ARHGEF16: variants seen among roughly 807,000 people sequenced by gnomAD.
ARHGEF16 encodes the protein Rho guanine nucleotide exchange factor 16, also known as Rho guanine exchange factor (GEF) 16.
Under a neutral mutation model 74.1 loss-of-function variants are expected in ARHGEF16, and 59 were observed. The ratio of observed to expected loss-of-function variants is 0.80; its 90% CI spans 0.65 to 0.99. ARHGEF16 has a LOEUF of 0.99. ARHGEF16 is among the 50% of genes least tolerant of loss of function. The pLI, the probability that ARHGEF16 is intolerant of heterozygous loss-of-function variation, is 0.00. For missense variants in ARHGEF16, 948 were observed against 986.6 expected (o/e 0.96, Z 0.52); for synonymous variants, 415 against 412.6 (o/e 1.01, Z -0.07).
At chr1:3,461,326 A>G (rs939793644) in intron 1 of ARHGEF16, among the ~76,000 whole-genome samples, 1 of 152,178 alleles carries the variant, frequency 6.6e-6, no homozygotes, top group Non-Finnish European at 1.5e-5. Flanking sequence ...CAGGCCTCAC[A>G]CCGGCCAGGC....
intron 6 of ARHGEF16, 98 bp from the exon 7 acceptor site, chr1:3,472,980 G>A (rs1021440734): frequency 1.5e-6 from 2 of 1,299,100 alleles, no homozygotes; most frequent in Admixed American, 2.3e-5. Context: ...CCACGTCCAT[G>A]TATGTGTGAG....
chr1:3,474,612 C>T, intron 8 of ARHGEF16, 96 bp from the exon 9 acceptor site: 1 of 1,228,600 alleles, frequency 8.1e-7, no homozygotes, highest in South Asian at 1.2e-5. Flanking sequence ...AGCTGTTGAC[C>T]ACCCTGCAGC....
In ARHGEF16 at chr1:3,473,466, C is replaced by T; in HGVS notation, c.1249C>T (p.Leu417Phe). ...GCCGGCGTGCGGGGGCCTGCCCATGCTCTCCTTCCTGATCCTCCCCATGCA... is the reference window on the plus strand; with the variant it reads ...GCCGGCGTGCGGGGGCCTGCCCATGTTCTCCTTCCTGATCCTCCCCATGCA... ...RRPACGGLPM[L>F]SFLILPMQRV... Residue 417 changes from leucine (L) to phenylalanine (F), a missense_variant, in exon 8 of 15, where the codon CTC becomes TTC. By Grantham distance (22) the Leu-to-Phe change is conservative. Coordinates refer to ENST00000378378, the MANE Select transcript of ARHGEF16 (RefSeq NM_014448.4). 2 of 1,612,532 alleles carry T rather than the reference C, an allele frequency of 1.2e-6. No individual in the cohort carries two copies. The highest frequency in any genetic ancestry group is 1.7e-6 in the Non-Finnish European group (2 of 1,180,018).
At position 3,473,066 on chromosome 1, in the gene ARHGEF16, C is replaced by T. The variant is rs771770071; in HGVS notation, c.1023-12C>T. The T allele has an allele frequency of 9.9e-6, 16 of 1,610,602 alleles. No homozygotes were observed. The East Asian group carries it at 3.1e-4, about 31-fold the overall frequency. Reference sequence around the variant, plus strand: ...GGCCCGTGGCACCCTCCTCACCCCTCCTTGCCTTCAGGTTCTTCGAGGACC... The same window carrying T: ...GGCCCGTGGCACCCTCCTCACCCCTTCTTGCCTTCAGGTTCTTCGAGGACC... On this transcript the variant is annotated splice_polypyrimidine_tract_variant and intron_variant, in intron 6 of 14. Coordinates refer to ENST00000378378, the MANE Select transcript of ARHGEF16 (RefSeq NM_014448.4).
rs1231437689 is a variant in ARHGEF16 at position 3,463,391 on chromosome 1, G to A, written c.307G>A (p.Ala103Thr). 1.9e-6 allele frequency: 3 copies of A among 1,550,056 alleles called. No homozygotes were observed. The highest frequency in any genetic ancestry group is 1.2e-5 in the South Asian group (1 of 84,058). ...TGTGGCCAGCAAGGCAAAGACCCCA[G>A]CCCGCCACCAGAGCTTCGGGGCGGC... ...LAVASKAKTPARHQSFGAAVL... is the reference protein window; with the variant it reads ...LAVASKAKTPTRHQSFGAAVL... The change falls in exon 2 of 15, where the codon GCC becomes ACC. Residue 103 changes from alanine to threonine, a missense_variant. Physicochemically the swap from Ala to Thr is moderately conservative, Grantham distance 58. Coordinates refer to ENST00000378378, the MANE Select transcript of ARHGEF16 (RefSeq NM_014448.4).
chr1:3,477,120 G>A (rs1639900127), intron 10 of ARHGEF16, among the ~76,000 whole-genome samples: 2 of 151,764 alleles, frequency 1.3e-5, no homozygotes, highest in Non-Finnish European at 2.9e-5. Context: ...GAGGCCGGGA[G>A]CGGGAGGTGC....
intron 12 of ARHGEF16, among the ~76,000 whole-genome samples, chr1:3,479,025 CA>C (rs2100762489): frequency 6.6e-6 from 1 of 152,298 alleles, no homozygotes; most frequent in African/African-American, 2.4e-5. Flanking sequence ...TGCTGGGGTG[CA>C]GCGACCCTGG....
chr1:3,463,528 C>A lies in ARHGEF16; in HGVS notation c.444C>A (p.Asn148Lys). The change falls in exon 2 of 15, where the codon AAC (asparagine) becomes AAA (lysine). Residue 148 changes from asparagine (N) to lysine (K), a missense_variant. By Grantham distance (94) the Asn-to-Lys change is moderately conservative. Coordinates refer to ENST00000378378, the MANE Select transcript of ARHGEF16 (RefSeq NM_014448.4). ...DKDPGGMLRR[N>K]LRNQSYRAAM... ...ACCCCGGGGGCATGCTGAGGCGGAA[C>A]CTGCGGAACCAATCCTACCGGGCGG... 2.0e-6 allele frequency: 3 copies of A among 1,473,124 alleles called. No individual in the cohort carries two copies. Among genetic ancestry groups the A allele is most frequent in the Non-Finnish European group, 1.8e-6 (2 of 1,109,404 alleles). 91.3% of individuals were successfully genotyped at this position (1,473,124 alleles called of 1,614,324 possible). A position where few individuals can be genotyped will look rare whatever the true frequency, so the allele number is the denominator to read the frequency against.
chr1:3,479,631 T>C, intron 13 of ARHGEF16, 41 bp downstream of exon 13: 2 of 1,598,694 alleles, frequency 1.3e-6, no homozygotes, highest in Non-Finnish European at 1.7e-6. Flanking sequence ...CCCTCTGCCG[T>C]GGCTGGCACT....
At chr1:3,472,886 C>CCCCCCTCTTT in intron 6 of ARHGEF16, 192 bp from the exon 7 acceptor site, 2 of 239,960 alleles carry the variant, frequency 8.3e-6, no homozygotes, top group South Asian at 4.5e-5. Flanking sequence ...CCCACCCGCC[C>CCCCCCTCTTT]TCCCTGCTGT....
intron 5 of ARHGEF16, 99 bp downstream of exon 5, chr1:3,469,035 C>G: frequency 2.1e-6 from 3 of 1,401,238 alleles, no homozygotes; most frequent in Middle Eastern, 2.4e-4. Flanking sequence ...AGCCATCCCT[C>G]TGCGGCCACC....
chr1:3,469,508 T>C lies in ARHGEF16; in HGVS notation c.937T>C (p.Ser313Pro), dbSNP rs184135080. ...LSILVEEFLQSKELRATVTQM... is the reference protein window; with the variant it reads ...LSILVEEFLQPKELRATVTQM... The stretch of plus-strand genomic sequence containing the variant: ...CATCCTGGTGGAGGAGTTCCTGCAG[T>C]CCAAGGAGCTGCGGGCGACCGTGAC... The change falls in exon 6 of 15, where the codon TCC becomes CCC. Residue 313 changes from serine (S) to proline (P), a missense_variant. Transcript: ENST00000378378. 4.3e-5 allele frequency: 69 copies of C among 1,613,096 alleles called. No individual in the cohort carries two copies. The East Asian group carries it at 1.5e-3, about 36-fold the overall frequency.
In ARHGEF16 at chr1:3,473,091, C is replaced by T. The variant is rs1487680185; in HGVS notation, c.1036C>T (p.Leu346=). The stretch of plus-strand genomic sequence containing the variant: ...CCTTGCCTTCAGGTTCTTCGAGGAC[C>T]TGGAGCAGCGGCACAAGGCCCAGGT... ...LGASQRFFED[L]EQRHKAQVLV... Residue 346 remains leucine, a synonymous_variant, in exon 7 of 15, where the codon CTG becomes TTG. Coordinates refer to ENST00000378378, the MANE Select transcript of ARHGEF16 (RefSeq NM_014448.4). The T allele has an allele frequency of 6.2e-7, 1 of 1,612,998 alleles. No individual in the cohort carries two copies. The highest frequency in any genetic ancestry group is 1.1e-5 in the South Asian group (1 of 91,026).
rs977683455 is a variant in ARHGEF16, at chr1:3,463,413, C to T, written c.329C>T (p.Ala110Val). The change falls in exon 2 of 15, where the codon GCG becomes GTG. Residue 110 changes from alanine to valine, a missense_variant. Ala to Val is a moderately conservative substitution (Grantham distance 64). Transcript: ENST00000378378. ...CCAGCCCGCCACCAGAGCTTCGGGG[C>T]GGCTGTACTTAGCAGGGAGGCCGCC... ...KTPARHQSFG[A>V]AVLSREAARR... 10 of 1,549,794 alleles carry T rather than the reference C, an allele frequency of 6.5e-6. No individual in the cohort carries two copies. The highest frequency in any genetic ancestry group is 1.7e-4 in the Middle Eastern group (1 of 6,006).
rs779109297 is a variant in ARHGEF16 at position 3,479,782 on chromosome 1, C to T, written c.1889-30C>T. 4 of 1,606,280 alleles carry T rather than the reference C, an allele frequency of 2.5e-6. No homozygotes were observed. The East Asian group carries it at 8.9e-5, about 36-fold the overall frequency. The stretch of plus-strand genomic sequence containing the variant: ...GTGGAGCCTGGCCCATGCCTCCCGA[C>T]AGCCCTGTGATGGCCACTGCCCTAT... On this transcript the variant is annotated intron_variant, in intron 13 of 14. Coordinates refer to ENST00000378378, the MANE Select transcript of ARHGEF16 (RefSeq NM_014448.4).
rs768464512 is a variant in ARHGEF16, at chr1:3,463,414, G to A, written c.330G>A (p.Ala110=). Residue 110 remains alanine (A), a synonymous_variant, in exon 2 of 15, where the codon GCG becomes GCA. Coordinates refer to ENST00000378378, the MANE Select transcript of ARHGEF16 (RefSeq NM_014448.4). ...CAGCCCGCCACCAGAGCTTCGGGGC[G>A]GCTGTACTTAGCAGGGAGGCCGCCC... ...KTPARHQSFG[A]AVLSREAARR... 1.8e-4 allele frequency: 280 copies of A among 1,549,758 alleles called. No individual in the cohort carries two copies. Among genetic ancestry groups the A allele is most frequent in the Non-Finnish European group, 2.4e-4 (272 of 1,146,724 alleles).
intron 6 of ARHGEF16, chr1:3,471,681 G>A: frequency 8.0e-7 from 1 of 1,243,772 alleles, no homozygotes; most frequent in African/African-American, 1.6e-5. Context: ...ACCTCCTCAG[G>A]GCTTTAGATT....
intron 1 of ARHGEF16, among the ~76,000 whole-genome samples, chr1:3,457,780 G>GCTCGCCTCTGCTGCACGCCTC (rs1553183060): frequency 6.6e-6 from 1 of 152,206 alleles, no homozygotes; most frequent in African/African-American, 2.4e-5. Context: ...GATTCCGCCT[G>GCTCGCCTCTGCTGCACGCCTC]CTCGCCTCTG....
intron 1 of ARHGEF16, among the ~76,000 whole-genome samples, chr1:3,457,536 C>T (rs1639293018): frequency 6.6e-6 from 1 of 152,228 alleles, no homozygotes; most frequent in East Asian, 1.9e-4. Context: ...GGGGCTGGCG[C>T]CCACTAGACT....
Sources: gnomAD v4.1 joint callset for allele counts (sites outside exome capture counted in the v4.1 genomes callset) on GRCh38, gnomAD v4.1.1 for gene constraint, MANE v1.5 for transcripts, NCBI Gene and HGNC (gene_info 2026-07-23, HGNC 2026-07-21) for gene names.